The following ANO2 variants were observed in gnomAD, a reference collection of about 807,000 sequenced individuals.
The protein encoded by ANO2 is anoctamin-2.
ANO2 carries 101 observed loss-of-function variants against 124.2 expected under a neutral mutation model. That is an observed-to-expected ratio of 0.81 (90% CI 0.69 to 0.96). The LOEUF (loss-of-function observed/expected upper bound fraction) is 0.96. Ranked by LOEUF, ANO2 falls within the 40% of genes least tolerant of loss-of-function variation. ANO2 has a pLI of 0.00. For synonymous variants in ANO2, 486 were observed against 482.5 expected, an observed-to-expected ratio of 1.01 and a Z score of -0.09; for missense variants, 1,293 against 1,274.5, an observed-to-expected ratio of 1.01 and a Z score of -0.22.
intron 7 of ANO2, among the ~76,000 whole-genome samples, chr12:5,823,821 C>T (rs1185578406): frequency 5.3e-5 from 8 of 152,372 alleles, no homozygotes; most frequent in East Asian, 1.9e-4. Flanking sequence ...AGCAAACTTT[C>T]GCCTGCACAT....
At chr12:5,902,097 A>C (rs1330210521) in intron 3 of ANO2, among the ~76,000 whole-genome samples, 1 of 152,228 alleles carries the variant, frequency 6.6e-6, no homozygotes, top group African/African-American at 2.4e-5. Context: ...AGAGATGTAT[A>C]GAGAGGAAAT....
chr12:5,590,882 G>T (rs1041810003), intron 20 of ANO2, among the ~76,000 whole-genome samples: 2 of 152,138 alleles, frequency 1.3e-5, no homozygotes, highest in Non-Finnish European at 2.9e-5. Flanking sequence ...TGATAAGGCA[G>T]ATTAACAAGA....
At chr12:5,793,315 AT>A (rs1952752545) in intron 10 of ANO2, among the ~76,000 whole-genome samples, 2 of 152,182 alleles carry the variant, frequency 1.3e-5, no homozygotes, top group African/African-American at 4.8e-5. Context: ...GAGGCTGGGC[AT>A]TTGCTAGATG....
At chr12:5,647,242 C>T (rs192511412) in intron 15 of ANO2, among the ~76,000 whole-genome samples, 95 of 152,350 alleles carry the variant, frequency 6.2e-4, no homozygotes, top group Admixed American at 3.2e-3. Flanking sequence ...TTTCCCTGAG[C>T]TTTCCCTGAC....
At chr12:5,817,956 G>C (rs528964054) in intron 7 of ANO2, among the ~76,000 whole-genome samples, 104 of 152,254 alleles carry the variant, frequency 6.8e-4, no homozygotes, top group African/African-American at 2.4e-3. Flanking sequence ...AACAGAAGGA[G>C]AGCAGTTGAG....
intron 9 of ANO2, among the ~76,000 whole-genome samples, chr12:5,802,215 C>T (rs1356387198): frequency 6.6e-6 from 1 of 152,246 alleles, no homozygotes; most frequent in Non-Finnish European, 1.5e-5. Context: ...CTGAAAGAGA[C>T]TTCCAGAAAG....
intron 10 of ANO2, among the ~76,000 whole-genome samples, chr12:5,760,340 T>C (rs373818031): frequency 7.5e-4 from 114 of 152,318 alleles, no homozygotes; most frequent in Middle Eastern, 3.4e-3. Flanking sequence ...ATATATTTCA[T>C]TTCTCAAAAG....
Position 5,627,225 on chromosome 12 carries a change from C to G in ANO2, c.1816+7927G>C, listed in dbSNP as rs146641850. 7.5e-3 allele frequency among the ~76,000 whole-genome samples: 1,147 copies of G among 152,256 alleles called. 4 individuals carry two copies. The highest frequency in any genetic ancestry group is 9.9e-3 in the Non-Finnish European group (674 of 68,024). On this transcript the variant is annotated intron_variant, in intron 16 of 24. Coordinates refer to ENST00000682330, the MANE Select transcript of ANO2 (RefSeq NM_001364791.2). The stretch of plus-strand genomic sequence containing the variant: ...CATTTAGAATAATTTAAGCCAACAT[C>G]ATGGAGGGGGTCCCCCAACAAGCAT...
At chr12:5,708,030 A>C (rs1299733510) in intron 14 of ANO2, among the ~76,000 whole-genome samples, 2 of 152,186 alleles carry the variant, frequency 1.3e-5, no homozygotes, top group Non-Finnish European at 2.9e-5. Flanking sequence ...CACATCCAAA[A>C]TTGAACTCAT....
intron 3 of ANO2, among the ~76,000 whole-genome samples, chr12:5,886,980 G>A (rs1255433515): frequency 6.6e-6 from 1 of 152,144 alleles, no homozygotes; most frequent in Admixed American, 6.5e-5. Context: ...TTTCAGTTGA[G>A]GAAGACAAAA....
At chr12:5,700,946 A>G (rs1949377260) in intron 14 of ANO2, among the ~76,000 whole-genome samples, 1 of 152,094 alleles carries the variant, frequency 6.6e-6, no homozygotes, top group Non-Finnish European at 1.5e-5. Flanking sequence ...TCTTCCCTAT[A>G]TAATCTCTCA....
chr12:5,766,207 T>C (rs1239533023), intron 10 of ANO2, among the ~76,000 whole-genome samples: 2 of 152,186 alleles, frequency 1.3e-5, no homozygotes, highest in Non-Finnish European at 2.9e-5. Flanking sequence ...CCCAAGTCTA[T>C]GCCCAACAGA....
intron 14 of ANO2, among the ~76,000 whole-genome samples, chr12:5,665,298 T>C (rs1014898456): frequency 6.6e-6 from 1 of 152,126 alleles, no homozygotes; most frequent in Non-Finnish European, 1.5e-5. Flanking sequence ...GAGTCTCAAA[T>C]GTTTACTGGC....
chr12:5,750,577 C>A (rs1462521522), intron 11 of ANO2, among the ~76,000 whole-genome samples: 1 of 152,250 alleles, frequency 6.6e-6, no homozygotes, highest in Non-Finnish European at 1.5e-5. Flanking sequence ...TGCCTGCCCA[C>A]ATCAGACACA....
At chr12:5,605,759 G>A (rs1204026700) in intron 19 of ANO2, among the ~76,000 whole-genome samples, 2 of 152,170 alleles carry the variant, frequency 1.3e-5, no homozygotes, top group African/African-American at 4.8e-5. Flanking sequence ...AAGGTGCAGG[G>A]AGGGGAGGAG....
rs1285984828 is a variant in ANO2 at position 5,636,441 on chromosome 12, AAAG to A, written c.1621-1097_1621-1095del. Among the ~76,000 whole-genome samples the A allele has an allele frequency of 6.6e-6, 1 of 152,130 alleles. No individual in the cohort carries two copies. The highest frequency in any genetic ancestry group is 1.5e-5 in the Non-Finnish European group (1 of 68,034). ...TCAGTCAAGTCAAGACTTCTTCAAG[AAAG>A]AAGACTTCCTTCTTAGGACTCTTTC... On this transcript the variant is annotated intron_variant, in intron 15 of 24. Coordinates refer to ENST00000682330, the MANE Select transcript of ANO2 (RefSeq NM_001364791.2). The surrounding 1 kb of genome is among the most constrained non-coding windows in gnomAD (Gnocchi z 4.6).
intron 10 of ANO2, among the ~76,000 whole-genome samples, chr12:5,753,001 A>G (rs1271120293): frequency 6.6e-6 from 1 of 152,208 alleles, no homozygotes; most frequent in African/African-American, 2.4e-5. Flanking sequence ...TTGATTCTTC[A>G]GCTCCATGAA....
Position 5,832,340 on chromosome 12 carries a change from C to T in ANO2, c.785+112G>A, listed in dbSNP as rs1157982502. On this transcript the variant is annotated intron_variant, in intron 5 of 24. Transcript: ENST00000682330. ...TGAGAGCATGCTTCCTACTCTCTCTCCCAGGCACTGGGGCACCCACTTTGG... is the reference window on the plus strand; with the variant it reads ...TGAGAGCATGCTTCCTACTCTCTCTTCCAGGCACTGGGGCACCCACTTTGG... 8 of 1,275,472 alleles carry T rather than the reference C, an allele frequency of 6.3e-6. No homozygotes were observed. In the East Asian group the frequency reaches 1.6e-4, roughly 26 times the overall value. The allele number at this position is 1,275,472 out of a possible 1,614,324, so 79.0% of individuals were successfully genotyped here. A position where few individuals can be genotyped will look rare whatever the true frequency, so the allele number is the denominator to read the frequency against.
In ANO2 at chr12:5,635,081, A is replaced by T; in HGVS notation, c.1816+71T>A. On this transcript the variant is annotated intron_variant, in intron 16 of 24. Transcript: ENST00000682330. The surrounding 1 kb of genome is among the most constrained non-coding windows in gnomAD (Gnocchi z 5.2). Reference sequence around the variant, plus strand: ...GTCCCTGTCCCATTTTTTTTATTTTATCACCAAAAGCCTTGCACGCATTGA... The same window carrying T: ...GTCCCTGTCCCATTTTTTTTATTTTTTCACCAAAAGCCTTGCACGCATTGA... 1.5e-6 allele frequency: 2 copies of T among 1,336,620 alleles called. No homozygotes were observed. The highest frequency in any genetic ancestry group is 2.0e-6 in the Non-Finnish European group (2 of 1,008,260). The allele number at this position is 1,336,620 out of a possible 1,614,324, so 82.8% of individuals were successfully genotyped here.
Sources: gnomAD v4.1 joint callset for allele counts (sites outside exome capture counted in the v4.1 genomes callset) on GRCh38, gnomAD v4.1.1 for gene constraint, Gnocchi (gnomAD v3.1) non-coding constraint, MANE v1.5 for transcripts, NCBI Gene and HGNC (gene_info 2026-07-23, HGNC 2026-07-21) for gene names.